XRN1: variants seen among roughly 807,000 people sequenced by gnomAD.
XRN1 encodes strand-exchange protein 1 homolog.
Under a neutral mutation model 222.3 loss-of-function variants are expected in XRN1, and 67 were observed. That is an observed-to-expected ratio of 0.30 (90% CI 0.25 to 0.37). XRN1 has a LOEUF of 0.37. Among genes scored for constraint, XRN1 ranks in the 10% least tolerant of loss-of-function variants. XRN1 has a pLI of 1.00. For synonymous variants in XRN1, 643 were observed against 652.4 expected (o/e 0.99, Z 0.22); for missense variants, 1,707 against 2,000.2 (o/e 0.85, Z 2.80).
At chr3:142,389,171 C>T (rs183803028) in intron 20 of XRN1, among the ~76,000 whole-genome samples, 100 of 152,308 alleles carry the variant, frequency 6.6e-4, no homozygotes, top group Non-Finnish European at 8.4e-4. Context: ...CGAGATCGCA[C>T]CACTGCACTC....
intron 33 of XRN1, among the ~76,000 whole-genome samples, chr3:142,336,479 A>G (rs2065854902): frequency 1.3e-5 from 2 of 151,768 alleles, no homozygotes; most frequent in African/African-American, 4.8e-5. Flanking sequence ...GCAATATTAA[A>G]AAAGAAAGAG....
chr3:142,318,838 A>C lies in XRN1; in HGVS notation c.4470T>G (p.Ser1490=), dbSNP rs1468808395. The change falls in exon 38 of 41, where the codon TCT becomes TCG. Residue 1490 remains serine (S), a synonymous_variant. Transcript: ENST00000392981. ...GLLVHGPQCH[S]ENEAKEKAAL... Reference sequence around the variant, plus strand: ...CAGCTTTCTCTTTGGCTTCATTTTCAGAGTGGCACTGTGGCCCATGTACCA... The same window carrying C: ...CAGCTTTCTCTTTGGCTTCATTTTCCGAGTGGCACTGTGGCCCATGTACCA... The C allele has an allele frequency of 6.2e-7, 1 of 1,614,050 alleles. No homozygotes were observed. The highest frequency in any genetic ancestry group is 1.7e-4 in the Middle Eastern group (1 of 6,034).
At chr3:142,366,508 G>A (rs1181805826) in intron 27 of XRN1, among the ~76,000 whole-genome samples, 1 of 152,186 alleles carries the variant, frequency 6.6e-6, no homozygotes, top group Non-Finnish European at 1.5e-5. Flanking sequence ...GGATAAAGCA[G>A]TGAACTGTTC....
chr3:142,340,211 C>T (rs1217865755), intron 33 of XRN1, among the ~76,000 whole-genome samples: 25 of 151,866 alleles, frequency 1.6e-4, no homozygotes, highest in African/African-American at 5.6e-4. Context: ...CAAAATTAGC[C>T]GGGCTTGGTG....
chr3:142,444,907 CTAATA>C (rs2070436731), intron 1 of XRN1, among the ~76,000 whole-genome samples: 1 of 152,130 alleles, frequency 6.6e-6, no homozygotes, highest in Admixed American at 6.5e-5. Flanking sequence ...TTACAACATA[CTAATA>C]TACCATGTCT....
chr3:142,405,107 A>G, intron 15 of XRN1, 31 bp from the exon 16 acceptor site: 1 of 1,597,770 alleles, frequency 6.3e-7, no homozygotes, highest in Non-Finnish European at 8.6e-7. Flanking sequence ...GAAGGGTTAC[A>G]AGCATAAAAA....
intron 39 of XRN1, among the ~76,000 whole-genome samples, chr3:142,317,142 T>A (rs943260575): frequency 6.6e-6 from 1 of 152,232 alleles, no homozygotes; most frequent in Admixed American, 6.5e-5. Context: ...CACCTTTTTA[T>A]CACTAGTATT....
At chr3:142,423,667 T>C (rs1477737062) in intron 5 of XRN1, 25 bp from the exon 6 acceptor site, 66 of 1,530,758 alleles carry the variant, frequency 4.3e-5, no homozygotes, top group Non-Finnish European at 5.8e-5. Flanking sequence ...TTAAGAAATG[T>C]TTTTATTCTC....
chr3:142,417,287 G>C, intron 12 of XRN1, 58 bp from the exon 13 acceptor site: 1 of 1,433,314 alleles, frequency 7.0e-7, no homozygotes, highest in Non-Finnish European at 9.8e-7. Context: ...CGTGTCTTTA[G>C]AGCACGGTAT....
chr3:142,379,207 G>T (rs1292013292), intron 23 of XRN1, among the ~76,000 whole-genome samples: 1 of 152,150 alleles, frequency 6.6e-6, no homozygotes, highest in Non-Finnish European at 1.5e-5. Flanking sequence ...GGAGGCAGAG[G>T]TTGCACTGAG....
chr3:142,370,177 G>A (rs1465083552), intron 27 of XRN1, among the ~76,000 whole-genome samples: 1 of 151,786 alleles, frequency 6.6e-6, no homozygotes, highest in Admixed American at 6.6e-5. Context: ...ACACTACAAG[G>A]GCATAAAATT....
chr3:142,422,618 A>C lies in XRN1; in HGVS notation c.931T>G (p.Tyr311Asp). ...HINHDALPLL[Y>D]GTYVTILPEL... Reference sequence around the variant, plus strand: ...GGCAGGATGGTAACATATGTTCCATAAAGAAGAGGCAGTGCATCATGATTA... The same window carrying C: ...GGCAGGATGGTAACATATGTTCCATCAAGAAGAGGCAGTGCATCATGATTA... The change falls in exon 8 of 41, where the codon TAT (tyrosine) becomes GAT (aspartate). Residue 311 changes from tyrosine (Y) to aspartate (D), a missense_variant. Tyr to Asp is a radical substitution (Grantham distance 160). This residue lies in a region of XRN1 where 1,234 missense variants were observed against 1,518.2 expected (regional missense o/e 0.81). Transcript: ENST00000392981. 6.2e-7 allele frequency: 1 copy of C among 1,613,672 alleles called. No individual in the cohort carries two copies. Among genetic ancestry groups the C allele is most frequent in the Non-Finnish European group, 8.5e-7 (1 of 1,179,792 alleles).
chr3:142,357,166 T>C lies in XRN1; in HGVS notation c.3465-47A>G, dbSNP rs759682180. The stretch of plus-strand genomic sequence containing the variant: ...GGGTTGGAAGGAAAACAATACTAAA[T>C]GTGTTAGGGAGAAAAGTCAAATAAT... On this transcript the variant is annotated intron_variant, in intron 30 of 40. Transcript: ENST00000392981. 7 of 1,525,170 alleles carry C rather than the reference T, an allele frequency of 4.6e-6. No homozygotes were observed. In the African/African-American group the frequency reaches 5.5e-5, roughly 12 times the overall value. The allele number at this position is 1,525,170 out of a possible 1,614,324, so 94.5% of individuals were successfully genotyped here.
At chr3:142,315,831 C>T (rs911211959) in intron 39 of XRN1, among the ~76,000 whole-genome samples, 7 of 152,110 alleles carry the variant, frequency 4.6e-5, no homozygotes, top group African/African-American at 1.7e-4. Flanking sequence ...AGATTTTCAA[C>T]AGAAAACAGC....
At chr3:142,405,736 T>C (rs569271181) in intron 15 of XRN1, among the ~76,000 whole-genome samples, 124 of 152,144 alleles carry the variant, frequency 8.2e-4, no homozygotes, top group Non-Finnish European at 1.4e-3. Flanking sequence ...GTCCTTTAGG[T>C]ATTTAAATAA....
chr3:142,426,679 A>G lies in XRN1; in HGVS notation c.406+65T>C. On this transcript the variant is annotated intron_variant, in intron 3 of 40. Transcript: ENST00000392981. Reference sequence around the variant, plus strand: ...AAATAGAGCATAGAAAATAAAATACATTTAAAAACCAAGTTTTCAATTTAT... The same window carrying G: ...AAATAGAGCATAGAAAATAAAATACGTTTAAAAACCAAGTTTTCAATTTAT... 2 of 1,477,214 alleles carry G rather than the reference A, an allele frequency of 1.4e-6. 1 individual carries two copies. The highest frequency in any genetic ancestry group is 2.4e-5 in the South Asian group (2 of 83,582). The allele number at this position is 1,477,214 out of a possible 1,614,324, so 91.5% of individuals were successfully genotyped here. A position where few individuals can be genotyped will look rare whatever the true frequency, so the allele number is the denominator to read the frequency against.
At chr3:142,437,540 T>TC (rs1352240571) in intron 1 of XRN1, among the ~76,000 whole-genome samples, 1 of 152,264 alleles carries the variant, frequency 6.6e-6, no homozygotes, top group African/African-American at 2.4e-5. Flanking sequence ...GCTGCTATTT[T>TC]CCCCACCAAT....
At chr3:142,316,554 T>C (rs1034341310) in intron 39 of XRN1, among the ~76,000 whole-genome samples, 22 of 152,308 alleles carry the variant, frequency 1.4e-4, no homozygotes, top group Non-Finnish European at 2.2e-4. Flanking sequence ...TCCTTAATGT[T>C]TTCCCATTGC....
intron 20 of XRN1, among the ~76,000 whole-genome samples, chr3:142,389,917 G>A (rs2067654458): frequency 6.6e-6 from 1 of 152,202 alleles, no homozygotes; most frequent in African/African-American, 2.4e-5. Flanking sequence ...GTGAATGGAT[G>A]TTGTGTTTGC....
Sources: allele counts gnomAD v4.1 joint callset (sites outside exome capture counted in the v4.1 genomes callset), GRCh38; gene constraint gnomAD v4.1.1; regional missense constraint gnomAD v4.1.1; transcripts MANE v1.5; gene names NCBI Gene and HGNC (gene_info 2026-07-23, HGNC 2026-07-21).